The following PKHD1 variants were observed in gnomAD, a reference collection of about 807,000 sequenced individuals.
The protein encoded by PKHD1 is fibrocystin.
In PKHD1, 291 loss-of-function variants were observed where a neutral mutation model predicts 412.0. The ratio of observed to expected loss-of-function variants is 0.71; its 90% confidence interval spans 0.64 to 0.78. The LOEUF (loss-of-function observed/expected upper bound fraction) is 0.78, where lower values mean the gene tolerates loss of function less well. Among genes scored for constraint, PKHD1 ranks in the 30% least tolerant of loss-of-function variants. The pLI is 0.00. For synonymous variants in PKHD1, 1,777 were observed against 1,821.5 expected (o/e 0.98, Z 0.62); for missense variants, 4,825 against 4,950.7 (o/e 0.97, Z 0.76).
chr6:52,058,659 T>C, intron 15 of PKHD1, 58 bp from the exon 16 acceptor site: 8 of 1,546,682 alleles, frequency 5.2e-6, no homozygotes, highest in Non-Finnish European at 7.1e-6. Flanking sequence ...CATCTCTTTC[T>C]CAAACACTAA....
intron 59 of PKHD1, 56 bp downstream of exon 59, chr6:51,746,665 G>A: frequency 2.7e-6 from 3 of 1,094,298 alleles, no homozygotes; most frequent in Non-Finnish European, 4.2e-6. Flanking sequence ...TTTAGGGTTT[G>A]AAGAATTGCC....
At chr6:51,661,041 A>T (rs1933833744) in intron 60 of PKHD1, among the ~76,000 whole-genome samples, 1 of 151,978 alleles carries the variant, frequency 6.6e-6, no homozygotes, top group Admixed American at 6.6e-5. Context: ...GCTCATTAGA[A>T]AAAAAAGATA....
intron 53 of PKHD1, among the ~76,000 whole-genome samples, chr6:51,779,108 C>T (rs565316508): frequency 3.4e-4 from 52 of 152,250 alleles, no homozygotes; most frequent in African/African-American, 1.2e-3. Flanking sequence ...AAGAATAATG[C>T]TCAAAGTTCT....
chr6:52,033,303 C>T, intron 28 of PKHD1, 138 bp from the exon 29 acceptor site: 2 of 721,398 alleles, frequency 2.8e-6, no homozygotes, highest in South Asian at 3.1e-5. Context: ...TTTCCTACTT[C>T]CAAGTCTCTC....
At chr6:51,656,712 G>A (rs144417824) in intron 61 of PKHD1, among the ~76,000 whole-genome samples, 205 of 148,542 alleles carry the variant, frequency 1.4e-3, no homozygotes, top group Non-Finnish European at 2.4e-3. Context: ...CCAGGCTGGT[G>A]TGTAGTGGCA....
At chr6:52,058,237 C>T (rs554520115) in intron 16 of PKHD1, 86 bp downstream of exon 16, 11 of 1,326,688 alleles carry the variant, frequency 8.3e-6, no homozygotes, top group East Asian at 6.9e-5. Flanking sequence ...CCCCTCAGGT[C>T]GCCAGACTCC....
At position 52,025,782 on chromosome 6, in the gene PKHD1, A is replaced by G; in HGVS notation, c.4028T>C (p.Phe1343Ser). 6.2e-7 allele frequency: 1 copy of G among 1,614,196 alleles called. No individual in the cohort carries two copies. Among genetic ancestry groups the G allele is most frequent in the Non-Finnish European group, 8.5e-7 (1 of 1,180,018 alleles). Reference protein sequence around the residue: ...NLNCDVETQSFQGNVSLSGCS... With the variant: ...NLNCDVETQSSQGNVSLSGCS... ...TCCAGACAGGCTCACGTTGCCCTGG[A>G]AGGACTGTGTCTCAACATCACAGTT... The change falls in exon 32 of 67, where the codon TTC becomes TCC. Residue 1343 changes from phenylalanine to serine, a missense_variant. Phe to Ser is a radical substitution (Grantham distance 155). Transcript: ENST00000371117.
At chr6:52,069,671 A>C in intron 10 of PKHD1, 144 bp from the exon 11 acceptor site, 1 of 750,012 alleles carries the variant, frequency 1.3e-6, no homozygotes, top group Non-Finnish European at 2.5e-6. Context: ...TGGATAACTA[A>C]AGAACAATAC....
At chr6:51,993,380 T>C (rs1356775246) in intron 35 of PKHD1, among the ~76,000 whole-genome samples, 1 of 152,256 alleles carries the variant, frequency 6.6e-6, no homozygotes, top group East Asian at 1.9e-4. Context: ...GAGGTGGAAG[T>C]GGACAGGTAC....
chr6:52,087,300 T>C (rs1431211990), intron 1 of PKHD1, 134 bp downstream of exon 1: 1 of 152,178 alleles, frequency 6.6e-6, no homozygotes, highest in Non-Finnish European at 1.5e-5. Flanking sequence ...AGCTTCTCCT[T>C]TGGGACATCG....
At position 52,083,599 on chromosome 6, in the gene PKHD1, A is replaced by G. The variant is rs575533136; in HGVS notation, c.53-344T>C. On this transcript the variant is annotated intron_variant, in intron 2 of 66. Coordinates refer to ENST00000371117, the MANE Select transcript of PKHD1 (RefSeq NM_138694.4). Reference sequence around the variant, plus strand: ...CCTTTGGAAAGAGCCTCAAGGACATATTTGGGTCCTAATCAAACCCATACT... The same window carrying G: ...CCTTTGGAAAGAGCCTCAAGGACATGTTTGGGTCCTAATCAAACCCATACT... 2.6e-5 allele frequency among the ~76,000 whole-genome samples: 4 copies of G among 152,252 alleles called. No individual in the cohort carries two copies. In the South Asian group the frequency reaches 8.3e-4, roughly 32 times the overall value.
At chr6:52,026,384 A>T (rs1207197103) in intron 31 of PKHD1, among the ~76,000 whole-genome samples, 1 of 152,206 alleles carries the variant, frequency 6.6e-6, no homozygotes, top group Non-Finnish European at 1.5e-5. Flanking sequence ...CATAACAGTA[A>T]AATAATACAA....
rs576349369 is a variant in PKHD1, at chr6:51,955,559, T to G, written c.5908+4311A>C. ...AGGGTCCATAAAGTGTTGGTTTTCC[T>G]GTTGTACGAGCCCAGTTTTCTACAT... On this transcript the variant is annotated intron_variant, in intron 36 of 66. Transcript: ENST00000371117. 6.6e-5 allele frequency among the ~76,000 whole-genome samples: 10 copies of G among 152,218 alleles called. No individual in the cohort carries two copies. In the East Asian group the frequency reaches 1.9e-3, roughly 29 times the overall value.
chr6:51,651,169 G>T (rs1770897768), intron 61 of PKHD1, among the ~76,000 whole-genome samples: 1 of 152,102 alleles, frequency 6.6e-6, no homozygotes, highest in African/African-American at 2.4e-5. Flanking sequence ...AAAGTTTATT[G>T]TGAGCAAACA....
intron 35 of PKHD1, among the ~76,000 whole-genome samples, chr6:52,001,310 T>TA (rs908537029): frequency 6.6e-6 from 1 of 152,194 alleles, no homozygotes; most frequent in Admixed American, 6.5e-5. Context: ...ACATATTACC[T>TA]AAAATCATTG....
In PKHD1 at chr6:51,903,628, A is replaced by T. The variant is rs1374291271; in HGVS notation, c.6965T>A (p.Ile2322Asn). The T allele has an allele frequency of 3.1e-6, 5 of 1,611,676 alleles. No homozygotes were observed. Among genetic ancestry groups the T allele is most frequent in the Non-Finnish European group, 4.2e-6 (5 of 1,178,312 alleles). The change falls in exon 43 of 67, where the codon ATC becomes AAC. Residue 2322 changes from isoleucine to asparagine, a missense_variant. Transcript: ENST00000371117. ...AACATTGGTGGGACTGCAGATATAG[A>T]TGCCAGATGGTGTCAACATTTCAGG... The part of the protein sequence containing the change: ...SNPEMLTPSG[I>N]YICSPTNVIE...
At chr6:51,835,789 A>G (rs1337148467) in intron 51 of PKHD1, among the ~76,000 whole-genome samples, 1 of 152,240 alleles carries the variant, frequency 6.6e-6, no homozygotes, top group Non-Finnish European at 1.5e-5. Flanking sequence ...TCTGATTAGC[A>G]TGGGCTCTGC....
chr6:51,715,475 T>C (rs1237015098), intron 60 of PKHD1, among the ~76,000 whole-genome samples: 2 of 152,210 alleles, frequency 1.3e-5, no homozygotes, highest in Non-Finnish European at 2.9e-5. Context: ...ATACCTAGTA[T>C]GCCTAGAATT....
intron 37 of PKHD1, among the ~76,000 whole-genome samples, chr6:51,933,538 A>G (rs1219079041): frequency 6.6e-6 from 1 of 152,234 alleles, no homozygotes; most frequent in Non-Finnish European, 1.5e-5. Flanking sequence ...CTATGCTGCA[A>G]TTACAAATGC....
Sources: gnomAD v4.1 joint callset for allele counts (sites outside exome capture counted in the v4.1 genomes callset) on GRCh38, gnomAD v4.1.1 for gene constraint, MANE v1.5 for transcripts, NCBI Gene and HGNC (gene_info 2026-07-23, HGNC 2026-07-21) for gene names.